UBE2E1: variants seen among roughly 807,000 people sequenced by gnomAD.
The protein encoded by UBE2E1 is ubiquitin-conjugating enzyme E2 E1.
UBE2E1 carries 6 observed loss-of-function variants against 21.4 expected under a neutral mutation model. The ratio of observed to expected loss-of-function variants is 0.28; its 90% CI spans 0.15 to 0.55. UBE2E1 has a LOEUF of 0.55. UBE2E1 is among the 20% of genes least tolerant of loss of function. UBE2E1 has a pLI of 0.93. For missense variants in UBE2E1, 142 were observed against 236.5 expected (o/e 0.60, Z 2.62); for synonymous variants, 87 against 82.7 (o/e 1.05, Z -0.28).
At chr3:23,869,351 C>CTTTTT (rs58059005) in intron 3 of UBE2E1, among the ~76,000 whole-genome samples, 39 of 114,560 alleles carry the variant, frequency 3.4e-4, no homozygotes, top group Non-Finnish European at 3.6e-4. Flanking sequence ...TTATGGTATC[C>CTTTTT]TTTTTTTTTT....
chr3:23,829,754 G>A (rs984973153), intron 3 of UBE2E1, among the ~76,000 whole-genome samples: 3 of 152,192 alleles, frequency 2.0e-5, no homozygotes, highest in Non-Finnish European at 4.4e-5. Context: ...GGGGACTTTG[G>A]TTTTCCCCTC....
Position 23,810,963 on chromosome 3 carries a change from G to C in UBE2E1, c.153-497G>C, listed in dbSNP as rs1699376611. Reference sequence around the variant, plus strand: ...GGCTTCGTCACTGAGGACTCCGGGCGGGTCGGGTGTTGAGCGAGGCCTCGG... The same window carrying C: ...GGCTTCGTCACTGAGGACTCCGGGCCGGTCGGGTGTTGAGCGAGGCCTCGG... On this transcript the variant is annotated intron_variant, in intron 2 of 5. Transcript: ENST00000306627. The surrounding 1 kb of genome is among the most constrained non-coding windows in gnomAD (Gnocchi z 5.8). 6.2e-6 allele frequency: 1 copy of C among 160,828 alleles called. No individual in the cohort carries two copies. The highest frequency in any genetic ancestry group is 6.2e-5 in the Admixed American group (1 of 16,090). 10.0% of individuals were successfully genotyped at this position (160,828 alleles called of 1,614,324 possible). A position where few individuals can be genotyped will look rare whatever the true frequency, so the allele number is the denominator to read the frequency against.
intron 3 of UBE2E1, among the ~76,000 whole-genome samples, chr3:23,857,931 C>A (rs1044571669): frequency 6.6e-6 from 1 of 151,958 alleles, no homozygotes; most frequent in Admixed American, 6.6e-5. Context: ...CTCACTGCAA[C>A]CTCTGTCACC....
At chr3:23,846,959 C>T (rs944851197) in intron 3 of UBE2E1, among the ~76,000 whole-genome samples, 4 of 151,624 alleles carry the variant, frequency 2.6e-5, no homozygotes, top group African/African-American at 7.3e-5. Context: ...GTAGGCTGTG[C>T]GAGGTCAATA....
At chr3:23,852,615 G>A (rs1486163341) in intron 3 of UBE2E1, among the ~76,000 whole-genome samples, 1 of 151,796 alleles carries the variant, frequency 6.6e-6, no homozygotes, top group Non-Finnish European at 1.5e-5. Flanking sequence ...CTTTTTTTGA[G>A]ACAGGGTCTC....
intron 3 of UBE2E1, among the ~76,000 whole-genome samples, chr3:23,877,655 G>A (rs1353853043): frequency 1.3e-5 from 2 of 152,126 alleles, no homozygotes; most frequent in Non-Finnish European, 2.9e-5. Flanking sequence ...GTTGAAATAT[G>A]GGTGTTTGGG....
At chr3:23,822,475 GA>G (rs1699664910) in intron 3 of UBE2E1, among the ~76,000 whole-genome samples, 1 of 150,530 alleles carries the variant, frequency 6.6e-6, no homozygotes, top group South Asian at 2.1e-4. Flanking sequence ...TTTTTTTTCT[GA>G]TCTCCCCTCT....
chr3:23,864,256 T>A (rs1027419813), intron 3 of UBE2E1, among the ~76,000 whole-genome samples: 1 of 152,180 alleles, frequency 6.6e-6, no homozygotes, highest in East Asian at 1.9e-4. Flanking sequence ...CACATTACTT[T>A]TTTTTTTCTC....
intron 3 of UBE2E1, among the ~76,000 whole-genome samples, chr3:23,881,701 G>A (rs1355427744): frequency 2.0e-5 from 3 of 152,210 alleles, no homozygotes; most frequent in Non-Finnish European, 4.4e-5. Flanking sequence ...TGCTCCCATT[G>A]TGTCCGGAAT....
At chr3:23,880,007 G>A (rs1308903218) in intron 3 of UBE2E1, among the ~76,000 whole-genome samples, 1 of 152,234 alleles carries the variant, frequency 6.6e-6, no homozygotes, top group Non-Finnish European at 1.5e-5. Flanking sequence ...AGCACTTTGG[G>A]AGGCCCAGGT....
intron 3 of UBE2E1, among the ~76,000 whole-genome samples, chr3:23,855,524 T>A (rs1700415331): frequency 1.3e-5 from 2 of 152,166 alleles, no homozygotes; most frequent in Non-Finnish European, 2.9e-5. Context: ...TAAAAATAAT[T>A]GTATGCATAG....
chr3:23,858,947 T>C (rs992964750), intron 3 of UBE2E1, among the ~76,000 whole-genome samples: 1 of 152,216 alleles, frequency 6.6e-6, no homozygotes, highest in African/African-American at 2.4e-5. Flanking sequence ...TTACCTCATA[T>C]CAAATACCTC....
rs925038183 is a variant in UBE2E1, at chr3:23,870,921, C to G, written c.204-16646C>G. Among the ~76,000 whole-genome samples the G allele has an allele frequency of 3.3e-5, 5 of 152,152 alleles. No individual in the cohort carries two copies. The highest frequency in any genetic ancestry group is 5.9e-5 in the Non-Finnish European group (4 of 68,008). On this transcript the variant is annotated intron_variant, in intron 3 of 5. Transcript: ENST00000306627. The surrounding 1 kb of genome is among the most constrained non-coding windows in gnomAD (Gnocchi z 4.2). ...CTTCAAGCATCTGTTTAACAAAGCA[C>G]ATCTTGCACCGCCCTTAATCCATTT...
rs918858301 is a variant in UBE2E1, at chr3:23,860,116, A to G, written c.204-27451A>G. On this transcript the variant is annotated intron_variant, in intron 3 of 5. Coordinates refer to ENST00000306627, the MANE Select transcript of UBE2E1 (RefSeq NM_003341.5). The stretch of plus-strand genomic sequence containing the variant: ...AAGGAGAAAATCATTTTGCTCTACC[A>G]GACTGAAATTCAGAGCTCAGCCCTT... 1.5e-4 allele frequency among the ~76,000 whole-genome samples: 23 copies of G among 152,200 alleles called. 1 individual carries two copies. The highest frequency in any genetic ancestry group is 1.1e-3 in the Admixed American group (17 of 15,284).
In UBE2E1 at chr3:23,853,668, C is replaced by G. The variant is rs1356937719; in HGVS notation, c.204-33899C>G. Among the ~76,000 whole-genome samples, 1 of 152,086 alleles carries G rather than the reference C, an allele frequency of 6.6e-6. No homozygotes were observed. Among genetic ancestry groups the G allele is most frequent in the Non-Finnish European group, 1.5e-5 (1 of 68,034 alleles). On this transcript the variant is annotated intron_variant, in intron 3 of 5. Coordinates refer to ENST00000306627, the MANE Select transcript of UBE2E1 (RefSeq NM_003341.5). This position sits in a 1 kb window ranked among gnomAD's most constrained non-coding sequence, Gnocchi z 4.1. ...GAGAGGAGACACTTGTCCCTCTTAA[C>G]TTGTTTCTTGGTAATGAGTGAATTG...
rs1029258384 is a variant in UBE2E1, at chr3:23,816,777, T to C, written c.203+5267T>C. The stretch of plus-strand genomic sequence containing the variant: ...CAAATAGCGTATGATTCCACTTACA[T>C]GAAATACCTAGAATAGGCAAACTCA... On this transcript the variant is annotated intron_variant, in intron 3 of 5. Coordinates refer to ENST00000306627, the MANE Select transcript of UBE2E1 (RefSeq NM_003341.5). The surrounding 1 kb of genome is among the most constrained non-coding windows in gnomAD (Gnocchi z 4.8). Among the ~76,000 whole-genome samples, 5 of 152,120 alleles carry C rather than the reference T, an allele frequency of 3.3e-5. No homozygotes were observed. Among genetic ancestry groups the C allele is most frequent in the African/African-American group, 1.2e-4 (5 of 41,404 alleles).
At chr3:23,879,320 CTTAA>C in intron 3 of UBE2E1, 1 of 770,200 alleles carries the variant, frequency 1.3e-6, no homozygotes, top group Non-Finnish European at 2.1e-6. Flanking sequence ...CCAAGATTAC[CTTAA>C]TTTTCTCCGT....
chr3:23,820,869 G>A (rs1300499822), intron 3 of UBE2E1, among the ~76,000 whole-genome samples: 1 of 152,194 alleles, frequency 6.6e-6, no homozygotes, highest in African/African-American at 2.4e-5. Flanking sequence ...ATTGGTGTGG[G>A]ATGGACCTCT....
chr3:23,832,135 A>G (rs1699880865), intron 3 of UBE2E1, among the ~76,000 whole-genome samples: 1 of 152,230 alleles, frequency 6.6e-6, no homozygotes, highest in East Asian at 1.9e-4. Context: ...CAGGGTTTAG[A>G]AAACAGTAAC....
Sources: gnomAD v4.1 joint callset for allele counts (sites outside exome capture counted in the v4.1 genomes callset) on GRCh38, gnomAD v4.1.1 for gene constraint, Gnocchi (gnomAD v3.1) non-coding constraint, MANE v1.5 for transcripts, NCBI Gene and HGNC (gene_info 2026-07-23, HGNC 2026-07-21) for gene names.